PAK3: variants seen among roughly 807,000 people sequenced by gnomAD.
PAK3 encodes the protein p21 (RAC1) activated kinase 3, also known as serine/threonine-protein kinase PAK 3.
Under a neutral mutation model 41.0 loss-of-function variants are expected in PAK3, and 4 were observed. That is an observed-to-expected ratio of 0.10 (90% CI 0.05 to 0.22). The LOEUF is 0.22. Ranked by LOEUF, PAK3 falls within the 10% of genes least tolerant of loss-of-function variation. The pLI, the probability that PAK3 is intolerant of heterozygous loss-of-function variation, is 1.00. For synonymous variants in PAK3, 146 were observed against 139.6 expected (o/e 1.05, Z -0.32); for missense variants, 205 against 409.9 (o/e 0.50, Z 4.32).
upstream of PAK3, among the ~76,000 whole-genome samples, chrX:111,096,023 T>A (rs2092974711): frequency 9.0e-6 from 1 of 111,245 alleles, no homozygotes; most frequent in Non-Finnish European, 1.9e-5. Context: ...TTCAGTTTTT[T>A]CCCCCTCCCA....
At chrX:110,997,307 T>G (rs1364888872) in intron 1 of PAK3, among the ~76,000 whole-genome samples, 1 of 111,344 alleles carries the variant, frequency 9.0e-6, no homozygotes, top group Non-Finnish European at 1.9e-5. Context: ...TGACTTAGAT[T>G]TTAGTAGGCT....
chrX:110,971,319 A>T (rs1416768851), intron 1 of PAK3, among the ~76,000 whole-genome samples: 1 of 112,408 alleles, frequency 8.9e-6, no homozygotes, highest in African/African-American at 3.2e-5. Flanking sequence ...AGGACATTTC[A>T]TATAAATGCA....
chrX:110,978,749 TTC>T (rs1026155474), intron 1 of PAK3, among the ~76,000 whole-genome samples: 16 of 108,299 alleles, frequency 1.5e-4, no homozygotes, highest in African/African-American at 4.4e-4. Flanking sequence ...TCTTCTTTCC[TTC>T]TCTCTCTCTC....
chrX:110,956,662 G>A (rs1013664456), intron 1 of PAK3, among the ~76,000 whole-genome samples: 1 of 111,237 alleles, frequency 9.0e-6, no homozygotes, highest in South Asian at 3.8e-4. Context: ...CCTGCTTTAC[G>A]ACTCCCACTG....
At chrX:111,084,833 T>C (rs190677061) in intron 1 of PAK3, among the ~76,000 whole-genome samples, 55 of 112,308 alleles carry the variant, frequency 4.9e-4, no homozygotes, top group African/African-American at 1.7e-3. Flanking sequence ...TGGGGCTTTA[T>C]GTTTCATTTT....
intron 14 of PAK3, among the ~76,000 whole-genome samples, chrX:111,194,922 G>A (rs1297157850): frequency 8.9e-6 from 1 of 112,219 alleles, no homozygotes; most frequent in Non-Finnish European, 1.9e-5. Context: ...TGGGCCTGAC[G>A]GTCTGTCTCT....
intron 17 of PAK3, 67 bp downstream of exon 17, chrX:111,216,625 CAG>C (rs2094882135): frequency 1.1e-6 from 1 of 905,042 alleles, no homozygotes; most frequent in Admixed American, 2.2e-5. Flanking sequence ...CAATGTGTGA[CAG>C]AGAGCTCTGT....
intron 1 of PAK3, among the ~76,000 whole-genome samples, chrX:110,959,246 A>G (rs2090928921): frequency 9.0e-6 from 1 of 111,518 alleles, no homozygotes; most frequent in African/African-American, 3.3e-5. Context: ...CTTCACTCCA[A>G]TGATTTCCTC....
intron 1 of PAK3, among the ~76,000 whole-genome samples, chrX:110,945,560 A>G (rs986020506): frequency 7.1e-5 from 8 of 111,942 alleles, no homozygotes; most frequent in African/African-American, 2.6e-4. Flanking sequence ...AAGCTCTTAC[A>G]GTGATCCCTG....
intron 1 of PAK3, among the ~76,000 whole-genome samples, chrX:111,072,300 T>TA (rs2148824924): frequency 8.9e-6 from 1 of 112,987 alleles, no homozygotes; most frequent in East Asian, 2.8e-4. Context: ...CTTTTTATTT[T>TA]AAAAATACTG....
At chrX:111,015,656 G>C (rs755071088) in intron 1 of PAK3, among the ~76,000 whole-genome samples, 1 of 111,396 alleles carries the variant, frequency 9.0e-6, no homozygotes, top group Admixed American at 9.5e-5. Context: ...TTGGGTGTAA[G>C]GTGATATCTC....
chrX:110,948,440 C>T (rs1404831892), intron 1 of PAK3, among the ~76,000 whole-genome samples: 1 of 111,549 alleles, frequency 9.0e-6, no homozygotes, highest in Non-Finnish European at 1.9e-5. Flanking sequence ...TTACAGGAGA[C>T]GCTTCTTGAA....
At chrX:110,974,253 A>C (rs1408776097) in intron 1 of PAK3, among the ~76,000 whole-genome samples, 1 of 111,403 alleles carries the variant, frequency 9.0e-6, no homozygotes, top group African/African-American at 3.3e-5. Context: ...CAAATCAAAT[A>C]GATGCAATAA....
chrX:110,952,518 T>C (rs1442382997), intron 1 of PAK3, among the ~76,000 whole-genome samples: 1 of 110,998 alleles, frequency 9.0e-6, no homozygotes, highest in Non-Finnish European at 1.9e-5. Context: ...GATATATGTA[T>C]GTGCCTTTAA....
chrX:110,974,208 G>A (rs1226645666), intron 1 of PAK3, among the ~76,000 whole-genome samples: 2 of 111,154 alleles, frequency 1.8e-5, no homozygotes, highest in Non-Finnish European at 3.8e-5. Context: ...TCTGCAACAA[G>A]CAGACCTAAT....
At chrX:110,997,980 CTG>C (rs2148681541) in intron 1 of PAK3, among the ~76,000 whole-genome samples, 1 of 111,745 alleles carries the variant, frequency 8.9e-6, no homozygotes, top group Non-Finnish European at 1.9e-5. Flanking sequence ...GCCTCTGAAA[CTG>C]TAAGAAATAC....
intron 1 of PAK3, among the ~76,000 whole-genome samples, chrX:110,989,513 G>C (rs1602669257): frequency 9.0e-6 from 1 of 111,457 alleles, no homozygotes; most frequent in Non-Finnish European, 1.9e-5. Context: ...TTCAATGTCG[G>C]TTACCAGTTC....
At chrX:111,068,815 T>C (rs1432548670) in intron 1 of PAK3, among the ~76,000 whole-genome samples, 1 of 112,909 alleles carries the variant, frequency 8.9e-6, no homozygotes, top group Non-Finnish European at 1.9e-5. Flanking sequence ...TTTAAGTTCA[T>C]CTTCAATTCA....
intron 1 of PAK3, among the ~76,000 whole-genome samples, chrX:111,009,652 T>A (rs192971300): frequency 3.5e-5 from 4 of 112,695 alleles, no homozygotes; most frequent in African/African-American, 1.3e-4. Flanking sequence ...CAGAATAACC[T>A]TCATAGGCTC....
Sources: gnomAD v4.1 joint callset for allele counts (sites outside exome capture counted in the v4.1 genomes callset) on GRCh38, gnomAD v4.1.1 for gene constraint, MANE v1.5 for transcripts, NCBI Gene and HGNC (gene_info 2026-07-23, HGNC 2026-07-21) for gene names.